Variants in POLR2F observed in about 807,000 individuals in gnomAD.
POLR2F encodes DNA-directed RNA polymerases I, II, and III subunit RPABC2.
In POLR2F, 12 loss-of-function variants were observed where a neutral mutation model predicts 22.7. The ratio of observed to expected loss-of-function variants is 0.53; its 90% CI spans 0.34 to 0.86. The LOEUF (loss-of-function observed/expected upper bound fraction) is 0.86, where lower values mean the gene tolerates loss of function less well. Among genes scored for constraint, POLR2F ranks in the 40% least tolerant of loss-of-function variants. The probability of loss-of-function intolerance (pLI) is 0.02; values close to 1 mark genes in which losing one functional copy is unlikely to be tolerated. For missense variants in POLR2F, 126 were observed against 171.5 expected (o/e 0.73, Z 1.48); for synonymous variants, 57 against 66.0 (o/e 0.86, Z 0.66).
chr22:37,967,279 A>T, intron 4 of POLR2F, 109 bp downstream of exon 4: 1 of 1,561,900 alleles, frequency 6.4e-7, no homozygotes, highest in Non-Finnish European at 8.6e-7. Flanking sequence ...GTTGATGCTT[A>T]TTCCTACAGA....
At chr22:38,022,517 C>A (rs2084968342) in intron 1 of POLR2F, among the ~76,000 whole-genome samples, 1 of 144,644 alleles carries the variant, frequency 6.9e-6, no homozygotes, top group Admixed American at 7.0e-5. Context: ...CGTCACTGCA[C>A]TCCAGCCTGG....
intron 3 of POLR2F, among the ~76,000 whole-genome samples, chr22:37,963,478 C>T (rs1931730874): frequency 6.6e-6 from 1 of 152,058 alleles, no homozygotes; most frequent in African/African-American, 2.4e-5. Context: ...TTTGTAGAGA[C>T]AGGGTCTCAC....
chr22:37,977,969 C>T, intron 4 of POLR2F: 1 of 1,612,150 alleles, frequency 6.2e-7, no homozygotes, highest in Non-Finnish European at 8.5e-7. Context: ...GCGGCGGTCC[C>T]ACCTTGCTCG....
intron 1 of POLR2F, among the ~76,000 whole-genome samples, chr22:38,023,560 C>T (rs2084979073): frequency 6.6e-6 from 1 of 152,140 alleles, no homozygotes; most frequent in African/African-American, 2.4e-5. Flanking sequence ...TCCATTACCA[C>T]TATCCATCCA....
Position 37,986,202 on chromosome 22 carries a change from C to T in POLR2F, c.12C>T (p.Asp4=). The change falls in exon 1 of 3, where the codon GAC becomes GAT. Residue 4 remains aspartate, a synonymous_variant. Coordinates refer to the POLR2F transcript ENST00000333418. This position sits in a 1 kb window ranked among gnomAD's most constrained non-coding sequence, Gnocchi z 4.7. ...CCGGAGAGGAGCCGCCCTGGATGGA[C>T]AGAGGGACGAGGGACGAGCATCTGC... 1 of 1,542,814 alleles carries T rather than the reference C, an allele frequency of 6.5e-7. No homozygotes were observed. The highest frequency in any genetic ancestry group is 1.4e-5 in the African/African-American group (1 of 73,170).
At chr22:37,962,611 T>C (rs954805493) in intron 3 of POLR2F, among the ~76,000 whole-genome samples, 1 of 152,242 alleles carries the variant, frequency 6.6e-6, no homozygotes, top group Non-Finnish European at 1.5e-5. Flanking sequence ...TATGTGTCCA[T>C]TTACATTAAG....
intron 1 of POLR2F, among the ~76,000 whole-genome samples, chr22:38,023,662 C>T (rs1238331168): frequency 6.6e-6 from 1 of 151,930 alleles, no homozygotes; most frequent in African/African-American, 2.4e-5. Flanking sequence ...ATTCTTCTGT[C>T]TCTATGATTT....
upstream of POLR2F, chr22:37,984,924 G>GGTGAGGGTCCTGGGGGCCC (rs1932527659): frequency 6.6e-6 from 1 of 152,358 alleles, no homozygotes; most frequent in Admixed American, 6.5e-5. This position sits in a 1 kb window ranked among gnomAD's most constrained non-coding sequence, Gnocchi z 4.4. Context: ...ACGTGAAGGC[G>GGTGAGGGTCCTGGGGGCCC]GTGAGGGTCC....
chr22:38,010,667 A>G (rs906639847), intron 1 of POLR2F, among the ~76,000 whole-genome samples: 28 of 114,236 alleles, frequency 2.5e-4, no homozygotes, highest in Admixed American at 4.1e-4. Context: ...CCCAGGCTGG[A>G]GTGCAGTGGC....
intron 1 of POLR2F, among the ~76,000 whole-genome samples, chr22:37,989,638 A>G (rs1932680452): frequency 6.6e-6 from 1 of 152,198 alleles, no homozygotes; most frequent in African/African-American, 2.4e-5. Context: ...CTCTGAGTAG[A>G]TGCTATTATT....
Position 37,968,430 on chromosome 22 carries a change from ATAAGAT to A in POLR2F, c.*716_*721del. ...CACCCATGCCTTCTTCCTAGCCTCT[ATAAGAT>A]ATCCTTTCCCTCCTATTTGGGGCTG... is the stretch of plus-strand genomic sequence containing the variant. On this transcript the variant is annotated 3_prime_UTR_variant, in exon 5 of 5. Transcript: ENST00000442738. 1 of 985,892 alleles carries A rather than the reference ATAAGAT, an allele frequency of 1.0e-6. No homozygotes were observed. The highest frequency in any genetic ancestry group is 1.1e-4 in the East Asian group (1 of 8,816). The allele number at this position is 985,892 out of a possible 1,614,324, so 61.1% of individuals were successfully genotyped here. A position where few individuals can be genotyped will look rare whatever the true frequency, so the allele number is the denominator to read the frequency against.
chr22:37,969,461 T>C (rs1317267208), downstream of POLR2F: 4 of 269,626 alleles, frequency 1.5e-5, no homozygotes, highest in Non-Finnish European at 2.3e-5. Context: ...ACAACCCAGG[T>C]CTTCTGACTT....
At chr22:38,029,281 G>A (rs2085044033), downstream of POLR2F, among the ~76,000 whole-genome samples, 1 of 152,212 alleles carries the variant, frequency 6.6e-6, no homozygotes, top group South Asian at 2.1e-4. Flanking sequence ...ATCCAGAGGG[G>A]AAAACTGAGG....
At chr22:38,006,827 C>G in intron 1 of POLR2F, among the ~76,000 whole-genome samples, 1 of 152,222 alleles carries the variant, frequency 6.6e-6, no homozygotes, top group East Asian at 1.9e-4. Flanking sequence ...GCTTCCACAT[C>G]TGCATGGTGG....
In POLR2F at chr22:37,967,620, C is replaced by G. The variant is rs763700207; in HGVS notation, c.294-5C>G. On this transcript the variant is annotated splice_region_variant and splice_polypyrimidine_tract_variant and intron_variant, in intron 4 of 4. Transcript: ENST00000442738. ...CATGTACTTGTGACTTCTCCCCTGCCACAGGGCCCGAAAGATCCCCATCAT... is the reference window on the plus strand; with the variant it reads ...CATGTACTTGTGACTTCTCCCCTGCGACAGGGCCCGAAAGATCCCCATCAT... The G allele has an allele frequency of 6.2e-7, 1 of 1,613,750 alleles. No individual in the cohort carries two copies. Among genetic ancestry groups the G allele is most frequent in the Admixed American group, 1.7e-5 (1 of 59,958 alleles).
chr22:38,030,086 C>T (rs1445197085), downstream of POLR2F, among the ~76,000 whole-genome samples: 1 of 152,172 alleles, frequency 6.6e-6, no homozygotes, highest in Admixed American at 6.5e-5. Context: ...AGCAAGGGAA[C>T]AGTTAAGATG....
intron 2 of POLR2F, among the ~76,000 whole-genome samples, 163 bp from the exon 3 acceptor site, chr22:37,959,183 G>A (rs1024210300): frequency 6.6e-6 from 1 of 152,198 alleles, no homozygotes; most frequent in Admixed American, 6.5e-5. Context: ...TAAGGTTATT[G>A]TAAGGATTAC....
chr22:37,986,324 C>G lies in POLR2F; in HGVS notation c.120+12C>G, dbSNP rs1414748521. The stretch of plus-strand genomic sequence containing the variant: ...ATCTCTCTCTCCCGGTGGGTCCCCA[C>G]TCATCCTTCCACCCCTCAGTTCCTC... On this transcript the variant is annotated intron_variant, in intron 1 of 2. Coordinates refer to the POLR2F transcript ENST00000333418. This position sits in a 1 kb window ranked among gnomAD's most constrained non-coding sequence, Gnocchi z 4.7. 6.5e-7 allele frequency: 1 copy of G among 1,534,606 alleles called. No homozygotes were observed. The highest frequency in any genetic ancestry group is 2.0e-5 in the Admixed American group (1 of 50,830).
chr22:38,019,608 G>A (rs578255950), intron 1 of POLR2F, among the ~76,000 whole-genome samples: 11 of 152,342 alleles, frequency 7.2e-5, no homozygotes, highest in African/African-American at 1.4e-4. Context: ...GAGGGAGGGC[G>A]GACATGGTGG....
Sources: allele counts gnomAD v4.1 joint callset (sites outside exome capture counted in the v4.1 genomes callset), GRCh38; gene constraint gnomAD v4.1.1; non-coding constraint Gnocchi (gnomAD v3.1); transcripts MANE v1.5; gene names NCBI Gene and HGNC (gene_info 2026-07-23, HGNC 2026-07-21).